Variants in KCNJ3 observed in about 807,000 individuals in gnomAD.
KCNJ3 encodes the protein potassium inwardly rectifying channel subfamily J member 3.
Under a neutral mutation model 39.2 loss-of-function variants are expected in KCNJ3, and 4 were observed. The ratio of observed to expected loss-of-function variants is 0.10; its 90% CI spans 0.05 to 0.23. KCNJ3 has a LOEUF of 0.23. KCNJ3 is among the 10% of genes least tolerant of loss of function. The probability of loss-of-function intolerance (pLI) is 1.00; values close to 1 mark genes in which losing one functional copy is unlikely to be tolerated. For missense variants in KCNJ3, 276 were observed against 634.9 expected (o/e 0.43, Z 6.08); for synonymous variants, 230 against 237.4 (o/e 0.97, Z 0.29).
At chr2:154,724,517 T>C (rs1685316534) in intron 2 of KCNJ3, among the ~76,000 whole-genome samples, 1 of 152,082 alleles carries the variant, frequency 6.6e-6, no homozygotes, top group South Asian at 2.1e-4. Context: ...AAGGTCAGCC[T>C]AAGTTATTAA....
At chr2:154,735,143 G>C (rs903952555) in intron 2 of KCNJ3, among the ~76,000 whole-genome samples, 6 of 151,186 alleles carry the variant, frequency 4.0e-5, no homozygotes, top group African/African-American at 1.5e-4. Flanking sequence ...CGGGAGTGCA[G>C]GGGCGCGATC....
chr2:154,824,944 G>GA (rs1187759699), intron 2 of KCNJ3, among the ~76,000 whole-genome samples: 6 of 152,306 alleles, frequency 3.9e-5, no homozygotes, highest in African/African-American at 1.4e-4. Flanking sequence ...CTCTTTATGG[G>GA]AAAATATTAT....
chr2:154,793,055 G>T (rs942021351), intron 2 of KCNJ3, among the ~76,000 whole-genome samples: 2 of 151,998 alleles, frequency 1.3e-5, no homozygotes, highest in Non-Finnish European at 2.9e-5. Context: ...ATAAATTTAG[G>T]CCACAGGCTG....
chr2:154,720,654 T>G (rs563035858), intron 2 of KCNJ3, among the ~76,000 whole-genome samples: 1 of 152,166 alleles, frequency 6.6e-6, no homozygotes, highest in African/African-American at 2.4e-5. Context: ...TAAAATCTGG[T>G]TCCTTGGAAA....
At chr2:154,760,860 C>A (rs1213035306) in intron 2 of KCNJ3, among the ~76,000 whole-genome samples, 1 of 150,332 alleles carries the variant, frequency 6.7e-6, no homozygotes, top group Non-Finnish European at 1.5e-5. Flanking sequence ...CCTCAGCCTC[C>A]CGAGTAGCTG....
At chr2:154,818,918 C>CTTTTTTTTTTTTTTTTTTTT (rs57668487) in intron 2 of KCNJ3, among the ~76,000 whole-genome samples, 5 of 52,430 alleles carry the variant, frequency 9.5e-5, no homozygotes, top group Non-Finnish European at 9.3e-5. Flanking sequence ...CTGCAAAAGC[C>CTTTTTTTTTTTTTTTTTTTT]TTTTTTTTTT....
At chr2:154,703,455 C>T (rs187118583) in intron 1 of KCNJ3, among the ~76,000 whole-genome samples, 3 of 150,878 alleles carry the variant, frequency 2.0e-5, no homozygotes, top group Middle Eastern at 3.4e-3. Flanking sequence ...TTTTTGTGCT[C>T]ACCTTCTTTT....
chr2:154,853,337 GCTT>G (rs1420066865), intron 2 of KCNJ3, among the ~76,000 whole-genome samples: 5 of 151,968 alleles, frequency 3.3e-5, no homozygotes, highest in South Asian at 4.1e-4. Context: ...TTCAAATGTG[GCTT>G]CTTATTTATG....
At position 154,844,561 on chromosome 2, in the gene KCNJ3, G is replaced by T. The variant is rs1449139655; in HGVS notation, c.920-10166G>T. Among the ~76,000 whole-genome samples, 4 of 152,204 alleles carry T rather than the reference G, an allele frequency of 2.6e-5. No individual in the cohort carries two copies. In the South Asian group the frequency reaches 8.3e-4, roughly 31 times the overall value. Reference sequence around the variant, plus strand: ...GCTATGTCCTGCCCACAGAGGTGGAGTCTAGAGGCAGTGGACCTTGTTGAT... The same window carrying T: ...GCTATGTCCTGCCCACAGAGGTGGATTCTAGAGGCAGTGGACCTTGTTGAT... On this transcript the variant is annotated intron_variant, in intron 2 of 2. Coordinates refer to ENST00000295101, the MANE Select transcript of KCNJ3 (RefSeq NM_002239.4).
intron 2 of KCNJ3, among the ~76,000 whole-genome samples, chr2:154,819,524 TTTTA>T (rs570159050): frequency 3.3e-5 from 5 of 151,852 alleles, no homozygotes; most frequent in Non-Finnish European, 7.4e-5. Context: ...TTTTATTTAT[TTTTA>T]TTTATTTATT....
chr2:154,833,875 T>A (rs901500491), intron 2 of KCNJ3, among the ~76,000 whole-genome samples: 1 of 152,162 alleles, frequency 6.6e-6, no homozygotes, highest in Non-Finnish European at 1.5e-5. Context: ...ATAGTGTATT[T>A]TTTTTTATTA....
At chr2:154,726,796 T>TACACACACACACAC (rs58366846) in intron 2 of KCNJ3, among the ~76,000 whole-genome samples, 120 of 115,458 alleles carry the variant, frequency 1.0e-3, no homozygotes, top group African/African-American at 3.4e-3. Flanking sequence ...TTTATATACA[T>TACACACACACACAC]ACACACACAC....
intron 2 of KCNJ3, among the ~76,000 whole-genome samples, chr2:154,788,186 C>T (rs1686567595): frequency 6.6e-6 from 1 of 152,040 alleles, no homozygotes; most frequent in South Asian, 2.1e-4. Context: ...CATCCTACAT[C>T]TAAATTCTTT....
chr2:154,759,218 C>T (rs115820041), intron 2 of KCNJ3, among the ~76,000 whole-genome samples: 1 of 152,036 alleles, frequency 6.6e-6, no homozygotes, highest in African/African-American at 2.4e-5. Flanking sequence ...CTGCTAGTGC[C>T]GGGACACTGA....
At chr2:154,730,726 C>CT (rs1685435040) in intron 2 of KCNJ3, among the ~76,000 whole-genome samples, 1 of 151,886 alleles carries the variant, frequency 6.6e-6, no homozygotes, top group Non-Finnish European at 1.5e-5. Flanking sequence ...TTATTGTAAC[C>CT]TTAATCATGC....
intron 2 of KCNJ3, among the ~76,000 whole-genome samples, chr2:154,713,224 C>T (rs1201097062): frequency 6.6e-6 from 1 of 152,028 alleles, no homozygotes; most frequent in Middle Eastern, 3.2e-3. Context: ...CCACTTTTTA[C>T]CCATAGTGGG....
chr2:154,852,112 T>G (rs2105140761), intron 2 of KCNJ3, among the ~76,000 whole-genome samples: 1 of 152,336 alleles, frequency 6.6e-6, no homozygotes, highest in Admixed American at 6.5e-5. Context: ...ACTTACAAAC[T>G]TTCCTTACTT....
At chr2:154,711,578 C>A (rs1237480266) in intron 2 of KCNJ3, among the ~76,000 whole-genome samples, 2 of 152,042 alleles carry the variant, frequency 1.3e-5, no homozygotes, top group Non-Finnish European at 2.9e-5. Flanking sequence ...AAATCACGGT[C>A]TGAAGATGTT....
intron 2 of KCNJ3, among the ~76,000 whole-genome samples, chr2:154,714,015 A>G (rs1438698842): frequency 3.9e-5 from 6 of 152,166 alleles, no homozygotes; most frequent in Non-Finnish European, 8.8e-5. Context: ...TTCAATTTTT[A>G]TACATTCCTT....
Sources: gnomAD v4.1 joint callset for allele counts (sites outside exome capture counted in the v4.1 genomes callset) on GRCh38, gnomAD v4.1.1 for gene constraint, MANE v1.5 for transcripts, NCBI Gene and HGNC (gene_info 2026-07-23, HGNC 2026-07-21) for gene names.